Variants in TMEM132B observed in about 807,000 individuals in gnomAD.
TMEM132B encodes transmembrane protein 132B.
TMEM132B carries 18 observed loss-of-function variants against 90.8 expected under a neutral mutation model. That is an observed-to-expected ratio of 0.20 (90% CI 0.14 to 0.29). The LOEUF is 0.29. TMEM132B is among the 10% of genes least tolerant of loss of function. The probability of loss-of-function intolerance (pLI) is 1.00; values close to 1 mark genes in which losing one functional copy is unlikely to be tolerated. For missense variants in TMEM132B, 1,096 were observed against 1,326.8 expected (o/e 0.83, Z 2.70); for synonymous variants, 504 against 523.3 (o/e 0.96, Z 0.50).
chr12:125,218,316 G>A (rs1873483949), intron 1 of TMEM132B, among the ~76,000 whole-genome samples: 1 of 152,000 alleles, frequency 6.6e-6, no homozygotes, highest in East Asian at 1.9e-4. Flanking sequence ...AAGAAAAAAA[G>A]GCAAGCTCTC....
chr12:125,231,719 A>AAC lies in TMEM132B; in HGVS notation c.67+44855_67+44856dup, dbSNP rs1488897717. 2.0e-5 allele frequency among the ~76,000 whole-genome samples: 3 copies of AAC among 152,276 alleles called. No individual in the cohort carries two copies. In the East Asian group the frequency reaches 5.8e-4, roughly 29 times the overall value. On this transcript the variant is annotated intron_variant, in intron 1 of 8. Transcript: ENST00000682704. The stretch of plus-strand genomic sequence containing the variant: ...TTTTTTAAATTCTAGGATTTCACAG[A>AAC]ACAGAGTTTGAAAGCAATTGCTTAT...
Position 125,277,478 on chromosome 12 carries a change from C to CAA in TMEM132B, c.68-71965_68-71964dup, listed in dbSNP as rs35077197. Among the ~76,000 whole-genome samples, 42 of 142,638 alleles carry CAA rather than the reference C, an allele frequency of 2.9e-4. No homozygotes were observed. The highest frequency in any genetic ancestry group is 6.7e-4 in the South Asian group (3 of 4,496). The allele number at this position is 142,638 out of a possible 152,430, so 93.6% of individuals were successfully genotyped here. A position where few individuals can be genotyped will look rare whatever the true frequency, so the allele number is the denominator to read the frequency against. On this transcript the variant is annotated intron_variant, in intron 1 of 8. Transcript: ENST00000682704. This position sits in a 1 kb window ranked among gnomAD's most constrained non-coding sequence, Gnocchi z 4.3. Reference sequence around the variant, plus strand: ...GGGCAACAAGAGCAAGACTCTGTCTCAAAAAAAAAAGATGAAGAGGGAGAA... The same window carrying CAA: ...GGGCAACAAGAGCAAGACTCTGTCTCAAAAAAAAAAAAGATGAAGAGGGAGAA...
Position 125,348,100 on chromosome 12 carries a change from G to GT in TMEM132B, c.68-1344dup, listed in dbSNP as rs200127519. Among the ~76,000 whole-genome samples the GT allele has an allele frequency of 4.7e-3, 699 of 150,040 alleles. 3 individuals carry two copies. Among genetic ancestry groups the GT allele is most frequent in the African/African-American group, 0.016 (653 of 40,264 alleles). On this transcript the variant is annotated intron_variant, in intron 1 of 8. Coordinates refer to ENST00000682704, the MANE Select transcript of TMEM132B (RefSeq NM_001366854.1). ...ATCAAATATGACACATTTGATTTTT[G>GT]TTTTTTTTACACTTTATTTGTTTTT...
intron 4 of TMEM132B, among the ~76,000 whole-genome samples, chr12:125,554,892 G>A (rs1884333006): frequency 6.6e-6 from 1 of 152,066 alleles, no homozygotes; most frequent in Admixed American, 6.6e-5. Context: ...CTTTGTTGGC[G>A]AGTTTCATCT....
chr12:125,422,459 T>C lies in TMEM132B; in HGVS notation c.1106+6782T>C, dbSNP rs1399514478. Among the ~76,000 whole-genome samples, 3 of 152,184 alleles carry C rather than the reference T, an allele frequency of 2.0e-5. No homozygotes were observed. In the South Asian group the frequency reaches 6.2e-4, roughly 32 times the overall value. On this transcript the variant is annotated intron_variant, in intron 3 of 8. Transcript: ENST00000682704. ...AGGACTGAAAACTCATTAAAAGCAGTGCCCACAGCACCAGCAGGCCACCTG... is the reference window on the plus strand; with the variant it reads ...AGGACTGAAAACTCATTAAAAGCAGCGCCCACAGCACCAGCAGGCCACCTG...
chr12:125,313,527 C>T (rs1471597074), intron 1 of TMEM132B, among the ~76,000 whole-genome samples: 1 of 108,272 alleles, frequency 9.2e-6, no homozygotes, highest in African/African-American at 3.6e-5. Flanking sequence ...TCATTTCCCA[C>T]CCCCTCCCAT....
chr12:125,240,175 G>T (rs1013743893), intron 1 of TMEM132B, among the ~76,000 whole-genome samples: 1 of 152,114 alleles, frequency 6.6e-6, no homozygotes, highest in Admixed American at 6.5e-5. Flanking sequence ...CTGCTTCACC[G>T]AACTGGAGTG....
At chr12:125,412,964 G>A (rs558501) in intron 2 of TMEM132B, among the ~76,000 whole-genome samples, 18,780 of 152,016 alleles carry the variant, frequency 0.12, 1,232 homozygotes, top group African/African-American at 0.16. Flanking sequence ...CTGAGTCTCC[G>A]GGAATTGCGG....
intron 3 of TMEM132B, among the ~76,000 whole-genome samples, chr12:125,494,197 G>GGAA (rs1882449086): frequency 1.9e-5 from 2 of 104,968 alleles, no homozygotes; most frequent in Non-Finnish European, 3.8e-5. Flanking sequence ...CCTCCTCCCT[G>GGAA]GAAATGGATG....
chr12:125,440,843 A>G (rs7970201), intron 3 of TMEM132B, among the ~76,000 whole-genome samples: 83,515 of 152,066 alleles, frequency 0.55, 24,455 homozygotes, highest in African/African-American at 0.77. Flanking sequence ...CGGAAACTCA[A>G]GTCAACCTTG....
intron 2 of TMEM132B, among the ~76,000 whole-genome samples, chr12:125,412,019 A>AC (rs1419085975): frequency 6.6e-6 from 1 of 151,546 alleles, no homozygotes; most frequent in Admixed American, 6.6e-5. Flanking sequence ...CTGCCACGGC[A>AC]CCCCCCGTGC....
chr12:125,614,257 A>T (rs981863876), intron 5 of TMEM132B, among the ~76,000 whole-genome samples: 2 of 151,924 alleles, frequency 1.3e-5, no homozygotes, highest in African/African-American at 4.8e-5. Flanking sequence ...TAGTTTTTTA[A>T]CCCATCCTCT....
At chr12:125,270,420 T>C (rs1874809291) in intron 1 of TMEM132B, among the ~76,000 whole-genome samples, 1 of 152,180 alleles carries the variant, frequency 6.6e-6, no homozygotes, top group African/African-American at 2.4e-5. Context: ...TTATGTTAAC[T>C]TGGGTTCCCT....
In TMEM132B at chr12:125,635,210, A is replaced by C. The variant is rs190010931; in HGVS notation, c.1438-8866A>C. ...TGCAGAATGTGCAAGTTTGTTACAT[A>C]GGTATACATGTGCCATGTTGGCTTG... On this transcript the variant is annotated intron_variant, in intron 5 of 8. Coordinates refer to ENST00000682704, the MANE Select transcript of TMEM132B (RefSeq NM_001366854.1). 2.6e-5 allele frequency among the ~76,000 whole-genome samples: 4 copies of C among 152,312 alleles called. No homozygotes were observed. In the East Asian group the frequency reaches 7.7e-4, roughly 29 times the overall value.
At chr12:125,384,731 A>T (rs1239719888) in intron 2 of TMEM132B, among the ~76,000 whole-genome samples, 3 of 151,980 alleles carry the variant, frequency 2.0e-5, no homozygotes, top group African/African-American at 4.8e-5. Flanking sequence ...GCTCACTGCA[A>T]CCTCTGCCTC....
intron 3 of TMEM132B, among the ~76,000 whole-genome samples, chr12:125,470,460 A>C (rs1291144105): frequency 6.6e-6 from 1 of 152,090 alleles, no homozygotes; most frequent in African/African-American, 2.4e-5. Context: ...TCTTGATACA[A>C]CTTTTTACTC....
At chr12:125,354,379 A>T (rs550768930) in intron 2 of TMEM132B, among the ~76,000 whole-genome samples, 1 of 152,292 alleles carries the variant, frequency 6.6e-6, no homozygotes, top group South Asian at 2.1e-4. Flanking sequence ...TTCTTTGAAA[A>T]TTTTGAAGAT....
chr12:125,298,542 C>T (rs1213923357), intron 1 of TMEM132B, among the ~76,000 whole-genome samples: 14 of 149,370 alleles, frequency 9.4e-5, no homozygotes, highest in Non-Finnish European at 1.5e-4. Context: ...GGTGTGGTGG[C>T]AGGTGCCTGT....
intron 4 of TMEM132B, among the ~76,000 whole-genome samples, chr12:125,520,247 G>A (rs1361158620): frequency 6.6e-6 from 1 of 152,150 alleles, no homozygotes; most frequent in African/African-American, 2.4e-5. Context: ...TGAGATTCCA[G>A]AGCCTAAATT....
Sources: allele counts gnomAD v4.1 joint callset (sites outside exome capture counted in the v4.1 genomes callset), GRCh38; gene constraint gnomAD v4.1.1; non-coding constraint Gnocchi (gnomAD v3.1); transcripts MANE v1.5; gene names NCBI Gene and HGNC (gene_info 2026-07-23, HGNC 2026-07-21).